Variants in KLF12 observed in about 807,000 individuals in gnomAD.
KLF12 encodes KLF transcription factor 12.
A neutral mutation model predicts 37.8 loss-of-function variants in KLF12; 9 were observed. That is an observed-to-expected ratio of 0.24 (90% CI 0.14 to 0.42). KLF12 has a LOEUF of 0.42. Ranked by LOEUF, KLF12 falls within the 10% of genes least tolerant of loss-of-function variation. The pLI is 1.00. For synonymous variants in KLF12, 208 were observed against 202.1 expected (o/e 1.03, Z -0.25); for missense variants, 411 against 516.0 (o/e 0.80, Z 1.97).
chr13:73,965,251 A>G (rs899763372), intron 2 of KLF12, among the ~76,000 whole-genome samples: 12 of 152,244 alleles, frequency 7.9e-5, no homozygotes, highest in African/African-American at 2.9e-4. Context: ...TGCTGCCACC[A>G]TTAAAAATAC....
chr13:73,817,781 C>A (rs1883313823), intron 4 of KLF12, among the ~76,000 whole-genome samples: 1 of 152,208 alleles, frequency 6.6e-6, no homozygotes, highest in African/African-American at 2.4e-5. Flanking sequence ...CTGCATGTCA[C>A]CTCCTTTTCT....
the KLF12 span, among the ~76,000 whole-genome samples, chr13:74,228,687 AT>A: frequency 1.3e-5 from 2 of 152,126 alleles, no homozygotes; most frequent in Non-Finnish European, 2.9e-5. Context: ...TGACAATCTG[AT>A]GTGACTTAAA....
intron 2 of KLF12, among the ~76,000 whole-genome samples, chr13:73,966,766 T>C (rs1008219909): frequency 2.6e-5 from 4 of 152,184 alleles, no homozygotes; most frequent in Non-Finnish European, 4.4e-5. Flanking sequence ...TGAATTTATA[T>C]GCCCAGTAAT....
chr13:73,980,532 A>T lies in KLF12; in HGVS notation c.33+14458T>A, dbSNP rs146020363. On this transcript the variant is annotated intron_variant, in intron 2 of 7. Transcript: ENST00000377669. Reference sequence around the variant, plus strand: ...AGCATTAAACATATTTATAAATTCAACAAAACTAAATATTAAATCAAAATA... The same window carrying T: ...AGCATTAAACATATTTATAAATTCATCAAAACTAAATATTAAATCAAAATA... Among the ~76,000 whole-genome samples, 58 of 152,308 alleles carry T rather than the reference A, an allele frequency of 3.8e-4. No individual in the cohort carries two copies. The East Asian group carries it at 0.01, about 27-fold the overall frequency.
intron 5 of KLF12, among the ~76,000 whole-genome samples, chr13:73,780,405 G>A (rs570465084): frequency 2.0e-5 from 3 of 151,754 alleles, no homozygotes; most frequent in East Asian, 1.9e-4. Flanking sequence ...ACCTTCCCCC[G>A]AGTCCCCAAG....
intron 1 of KLF12, among the ~76,000 whole-genome samples, chr13:74,040,186 C>A (rs980102776): frequency 6.6e-6 from 1 of 152,140 alleles, no homozygotes; most frequent in African/African-American, 2.4e-5. Flanking sequence ...GATGTGATAG[C>A]CACAGACTAA....
intron 1 of KLF12, among the ~76,000 whole-genome samples, chr13:74,006,390 G>A (rs1892408652): frequency 6.6e-6 from 1 of 152,092 alleles, no homozygotes; most frequent in African/African-American, 2.4e-5. Context: ...TCTCCTAAAA[G>A]TTAAACTCTT....
Position 73,799,236 on chromosome 13 carries a change from G to A in KLF12, c.806+13916C>T, listed in dbSNP as rs375797700. On this transcript the variant is annotated intron_variant, in intron 5 of 7. Coordinates refer to ENST00000377669, the MANE Select transcript of KLF12 (RefSeq NM_007249.5). Reference sequence around the variant, plus strand: ...AGAACTTACGAACACAAAGAAGGAAGCAGACACTGGGGTCTACCTGAAGGT... The same window carrying A: ...AGAACTTACGAACACAAAGAAGGAAACAGACACTGGGGTCTACCTGAAGGT... 6.0e-4 allele frequency among the ~76,000 whole-genome samples: 92 copies of A among 152,170 alleles called. 1 individual carries two copies. The South Asian group carries it at 0.017, about 29-fold the overall frequency.
At chr13:73,717,391 T>C (rs970127029) in intron 6 of KLF12, among the ~76,000 whole-genome samples, 2 of 152,216 alleles carry the variant, frequency 1.3e-5, no homozygotes, top group Non-Finnish European at 2.9e-5. Context: ...AGATGAAACA[T>C]GGCAGGAGTC....
chr13:73,777,775 G>C (rs140122599), intron 5 of KLF12, among the ~76,000 whole-genome samples: 119 of 151,372 alleles, frequency 7.9e-4, no homozygotes, highest in Non-Finnish European at 1.4e-3. Flanking sequence ...AAATGAAAAA[G>C]ACTAATATCT....
chr13:73,875,398 T>C (rs1886658709), intron 3 of KLF12, among the ~76,000 whole-genome samples: 2 of 152,166 alleles, frequency 1.3e-5, no homozygotes, highest in Admixed American at 6.5e-5. Context: ...TAGAAAAATG[T>C]CAAATCTCAA....
At chr13:74,275,844 TTCTTTCTTTCTTTCTTTCTTTCTA>T in the KLF12 span, among the ~76,000 whole-genome samples, 117 of 122,874 alleles carry the variant, frequency 9.5e-4, 2 homozygotes, top group Admixed American at 2.9e-3. Context: ...CTTTCTTTCT[TTCTTTCTTTCTTTCTTTCTTTCTA>T]TCTTTCTTTC....
chr13:73,754,590 T>G (rs1879016189), intron 6 of KLF12, among the ~76,000 whole-genome samples: 1 of 152,216 alleles, frequency 6.6e-6, no homozygotes, highest in Non-Finnish European at 1.5e-5. Flanking sequence ...ATGGTAATGA[T>G]GACTTCCAAA....
the KLF12 span, among the ~76,000 whole-genome samples, chr13:74,248,179 G>A: frequency 5.3e-5 from 8 of 152,106 alleles, no homozygotes; most frequent in East Asian, 1.9e-4. Context: ...TTGTACATCC[G>A]TTTGTCAGTT....
At chr13:73,758,773 C>A (rs1055881696) in intron 6 of KLF12, among the ~76,000 whole-genome samples, 1 of 152,030 alleles carries the variant, frequency 6.6e-6, no homozygotes, top group African/African-American at 2.4e-5. Flanking sequence ...CTTATATCAT[C>A]TTTACTGTTA....
At position 74,058,299 on chromosome 13, in the gene KLF12, C is replaced by T. The variant is rs12583131; in HGVS notation, c.-31-63246G>A. Among the ~76,000 whole-genome samples the T allele has an allele frequency of 2.3e-4, 34 of 149,798 alleles. No individual in the cohort carries two copies. The East Asian group carries it at 6.0e-3, about 26-fold the overall frequency. ...TAATCTTTGATAAGTTTCTCAGAAC[C>T]TTAGTTTCCTCATCTGCAAAATGGG... On this transcript the variant is annotated intron_variant, in intron 1 of 7. Coordinates refer to ENST00000377669, the MANE Select transcript of KLF12 (RefSeq NM_007249.5).
chr13:74,123,110 T>G (rs763531653), intron 1 of KLF12, among the ~76,000 whole-genome samples: 1 of 152,080 alleles, frequency 6.6e-6, no homozygotes, highest in Non-Finnish European at 1.5e-5. Flanking sequence ...TGTGTTTCTT[T>G]GAAAACTTAA....
At chr13:74,179,558 G>A in the KLF12 span, among the ~76,000 whole-genome samples, 1 of 152,120 alleles carries the variant, frequency 6.6e-6, no homozygotes, top group Non-Finnish European at 1.5e-5. Flanking sequence ...CTATACGTTA[G>A]GGAAAAGATT....
At chr13:73,704,851 G>A (rs1446229088) in intron 7 of KLF12, among the ~76,000 whole-genome samples, 3 of 152,126 alleles carry the variant, frequency 2.0e-5, no homozygotes, top group East Asian at 1.9e-4. Flanking sequence ...TTAGTGCTGT[G>A]TGCTAATAAA....
Sources: allele counts gnomAD v4.1 joint callset (sites outside exome capture counted in the v4.1 genomes callset), GRCh38; gene constraint gnomAD v4.1.1; transcripts MANE v1.5; gene names NCBI Gene and HGNC (gene_info 2026-07-23, HGNC 2026-07-21).